The following DHX16 variants were observed in gnomAD, a reference collection of about 807,000 sequenced individuals.
DHX16 encodes DEAH-box helicase 16.
Under a neutral mutation model 131.2 loss-of-function variants are expected in DHX16, and 81 were observed. The observed-to-expected ratio is 0.62, with a 90% CI of 0.52 to 0.74. DHX16 has a LOEUF of 0.74. Ranked by LOEUF, DHX16 falls within the 30% of genes least tolerant of loss-of-function variation. DHX16 has a pLI of 0.00. For missense variants in DHX16, 980 were observed against 1,363.1 expected (o/e 0.72, Z 4.43); for synonymous variants, 440 against 520.2 (o/e 0.85, Z 2.10).
rs754361200 is a variant in DHX16 at position 30,670,515 on chromosome 6, C to T, written c.610-49G>A. On this transcript the variant is annotated intron_variant, in intron 3 of 19. Coordinates refer to ENST00000376442, the MANE Select transcript of DHX16 (RefSeq NM_003587.5). This position sits in a 1 kb window ranked among gnomAD's most constrained non-coding sequence, Gnocchi z 4.4. ...GGGGTGTGAGGCCAAAGAGCCCCCA[C>T]ACTGACAGCTGCTCCCCTCTAGAAT... 4.5e-6 allele frequency: 7 copies of T among 1,570,006 alleles called. No homozygotes were observed. The highest frequency in any genetic ancestry group is 2.3e-5 in the East Asian group (1 of 44,266).
intron 4 of DHX16, among the ~76,000 whole-genome samples, chr6:30,669,744 TAAAAAAAAA>T (rs953317689): frequency 5.3e-5 from 6 of 113,822 alleles, no homozygotes; most frequent in South Asian, 2.9e-4. Context: ...AAAAAAGGTT[TAAAAAAAAA>T]AAAAAAAAAA....
Position 30,670,992 on chromosome 6 carries a change from C to T in DHX16, c.447-40G>A, listed in dbSNP as rs1416958934. 1.9e-6 allele frequency: 3 copies of T among 1,612,890 alleles called. No homozygotes were observed. Among genetic ancestry groups the T allele is most frequent in the African/African-American group, 1.3e-5 (1 of 74,922 alleles). On this transcript the variant is annotated intron_variant, in intron 2 of 19. Transcript: ENST00000376442. This position sits in a 1 kb window ranked among gnomAD's most constrained non-coding sequence, Gnocchi z 4.4. ...GGGGATTAAATAAGGGCATAGAGAACACTTCAGCCTGCCCCATCCTCTCTC... is the reference window on the plus strand; with the variant it reads ...GGGGATTAAATAAGGGCATAGAGAATACTTCAGCCTGCCCCATCCTCTCTC...
At position 30,672,978 on chromosome 6, in the gene DHX16, G is replaced by A. The variant is rs1209974212; in HGVS notation, c.-137C>T. The A allele has an allele frequency of 1.9e-5, 30 of 1,551,562 alleles. No individual in the cohort carries two copies. The highest frequency in any genetic ancestry group is 2.4e-5 in the Non-Finnish European group (28 of 1,147,088). Reference sequence around the variant, plus strand: ...TACCTTGGGACCTCTAGGATCTTCCGACATCCCAAAGCTGTCTTCCCGTAC... The same window carrying A: ...TACCTTGGGACCTCTAGGATCTTCCAACATCCCAAAGCTGTCTTCCCGTAC... On this transcript the variant is annotated 5_prime_UTR_variant, in exon 1 of 20. Coordinates refer to ENST00000376442, the MANE Select transcript of DHX16 (RefSeq NM_003587.5).
rs746926990 is a variant in DHX16, at chr6:30,665,058, G to A, written c.1125+13C>T. On this transcript the variant is annotated intron_variant, in intron 6 of 19. Transcript: ENST00000376442. This position sits in a 1 kb window ranked among gnomAD's most constrained non-coding sequence, Gnocchi z 4.8. The stretch of plus-strand genomic sequence containing the variant: ...CGGGTCTTCCTCAGAAAGTCTCCCA[G>A]CTCCCCTCTTACCTCATCACCCTGG... The A allele has an allele frequency of 6.2e-7, 1 of 1,613,974 alleles. No homozygotes were observed. Among genetic ancestry groups the A allele is most frequent in the Non-Finnish European group, 8.5e-7 (1 of 1,179,944 alleles).
At chr6:30,660,300 A>G in intron 9 of DHX16, 58 bp from the exon 10 acceptor site, 1 of 1,367,998 alleles carries the variant, frequency 7.3e-7, no homozygotes, top group Non-Finnish European at 9.9e-7. Context: ...AGTATCAGAC[A>G]CCAGAGTTAA....
At position 30,664,749 on chromosome 6, in the gene DHX16, G is replaced by A. The variant is rs117585071; in HGVS notation, c.1317+52C>T. ...ATGTAAAAGGAGCTCTGACAGGAAT[G>A]AGGACATTGATGCCAGGTGCCCTGG... On this transcript the variant is annotated intron_variant, in intron 7 of 19. Coordinates refer to ENST00000376442, the MANE Select transcript of DHX16 (RefSeq NM_003587.5). The A allele has an allele frequency of 1.9e-5, 28 of 1,500,234 alleles. No homozygotes were observed. In the East Asian group the frequency reaches 5.9e-4, roughly 32 times the overall value. 92.9% of individuals were successfully genotyped at this position (1,500,234 alleles called of 1,614,324 possible).
Position 30,656,815 on chromosome 6 carries a change from C to T in DHX16, c.2149-56G>A. On this transcript the variant is annotated intron_variant, in intron 13 of 19. Transcript: ENST00000376442. The surrounding 1 kb of genome is among the most constrained non-coding windows in gnomAD (Gnocchi z 5.1). ...AATTTGGTCAGGGAAAAGAAAAAGG[C>T]AGTATTTATGCAAGAAATCTGGAAG... 6.2e-7 allele frequency: 1 copy of T among 1,606,832 alleles called. No individual in the cohort carries two copies. The highest frequency in any genetic ancestry group is 8.5e-7 in the Non-Finnish European group (1 of 1,178,058).
rs550031080 is a variant in DHX16 at position 30,656,061 on chromosome 6, A to G, written c.2498+137T>C. 56 of 862,294 alleles carry G rather than the reference A, an allele frequency of 6.5e-5. No homozygotes were observed. The highest frequency in any genetic ancestry group is 2.5e-4 in the East Asian group (10 of 40,814). 53.4% of individuals were successfully genotyped at this position (862,294 alleles called of 1,614,324 possible). ...CCCTTGTGGGCCTCAAAAGGGGGCAATCAGAGTTATCTAATACTTTATTAT... is the reference window on the plus strand; with the variant it reads ...CCCTTGTGGGCCTCAAAAGGGGGCAGTCAGAGTTATCTAATACTTTATTAT... On this transcript the variant is annotated intron_variant, in intron 16 of 19. Coordinates refer to ENST00000376442, the MANE Select transcript of DHX16 (RefSeq NM_003587.5). This position sits in a 1 kb window ranked among gnomAD's most constrained non-coding sequence, Gnocchi z 5.1.
At chr6:30,659,681 C>T in intron 11 of DHX16, 55 bp downstream of exon 11, 1 of 1,612,488 alleles carries the variant, frequency 6.2e-7, no homozygotes. Flanking sequence ...GGCCAACATG[C>T]CGGCCCTGTC....
Position 30,656,618 on chromosome 6 carries a change from C to T in DHX16, c.2290G>A (p.Val764Met), listed in dbSNP as rs372472529. ...EIQRTSLGNVVLLLKSLGIHD... is the reference protein window; with the variant it reads ...EIQRTSLGNVMLLLKSLGIHD... ...TCACCTAAGCTCTTGAGCAGCAACA[C>T]GACATTGCCCAAGCTGGTCCTCTGG... Residue 764 changes from valine (V) to methionine (M), a missense_variant, in exon 14 of 20, where the codon GTG (valine) becomes ATG (methionine). Transcript: ENST00000376442. The surrounding 1 kb of genome is among the most constrained non-coding windows in gnomAD (Gnocchi z 5.1). The T allele has an allele frequency of 6.8e-6, 11 of 1,614,190 alleles. No homozygotes were observed. Among genetic ancestry groups the T allele is most frequent in the South Asian group, 5.5e-5 (5 of 91,086 alleles).
intron 4 of DHX16, among the ~76,000 whole-genome samples, chr6:30,668,742 C>G (rs1309678026): frequency 6.6e-6 from 1 of 152,120 alleles, no homozygotes; most frequent in African/African-American, 2.4e-5. Flanking sequence ...TAACCACAGT[C>G]AATTTCAGGA....
chr6:30,658,613 A>C (rs1296384037), intron 12 of DHX16, among the ~76,000 whole-genome samples: 1 of 150,838 alleles, frequency 6.6e-6, no homozygotes, highest in Non-Finnish European at 1.5e-5. Context: ...TGGGAAGCTG[A>C]GGCACAAGAA....
intron 4 of DHX16, among the ~76,000 whole-genome samples, chr6:30,666,534 G>A (rs1459161911): frequency 6.6e-6 from 1 of 152,058 alleles, no homozygotes; most frequent in Non-Finnish European, 1.5e-5. Context: ...CTGGGTGGGC[G>A]TGGTGACTCA....
In DHX16 at chr6:30,670,890, T is replaced by A; in HGVS notation, c.509A>T (p.Glu170Val). ...ACGCTCCTCCAGGTCCTGAAGGCGTTCACGCTCTGTCCGTTCCCACTCATC... is the reference window on the plus strand; with the variant it reads ...ACGCTCCTCCAGGTCCTGAAGGCGTACACGCTCTGTCCGTTCCCACTCATC... The part of the protein sequence containing the change: ...SEDEWERTER[E>V]RLQDLEERDA... Residue 170 changes from glutamate to valine, a missense_variant, in exon 3 of 20, where the codon GAA (glutamate) becomes GTA (valine). By Grantham distance (121) the Glu-to-Val change is moderately radical (BLOSUM62 -2). Coordinates refer to ENST00000376442, the MANE Select transcript of DHX16 (RefSeq NM_003587.5). The surrounding 1 kb of genome is among the most constrained non-coding windows in gnomAD (Gnocchi z 4.4). 6.2e-7 allele frequency: 1 copy of A among 1,613,072 alleles called. No homozygotes were observed. Among genetic ancestry groups the A allele is most frequent in the Non-Finnish European group, 8.5e-7 (1 of 1,180,022 alleles).
Position 30,670,459 on chromosome 6 carries a change from T to G in DHX16, c.617A>C (p.Glu206Ala), listed in dbSNP as rs776349217. Residue 206 changes from glutamate to alanine, a missense_variant, in exon 4 of 20, where the codon GAA (glutamate) becomes GCA (alanine). Physicochemically the swap from Glu to Ala is moderately radical, Grantham distance 107. This residue lies in a region of DHX16 where 457 missense variants were observed against 554.8 expected (regional missense o/e 0.82). Transcript: ENST00000376442. This position sits in a 1 kb window ranked among gnomAD's most constrained non-coding sequence, Gnocchi z 4.4. ...CATCTTGAGGCGCTTCTGAGCCTCT[T>G]CATAAGCCTAGAAGAAAAAACAAGA... Reference protein sequence around the residue: ...VLERSDKKAYEEAQKRLKMAE... With the variant: ...VLERSDKKAYAEAQKRLKMAE... The G allele has an allele frequency of 7.4e-5, 120 of 1,611,106 alleles. No individual in the cohort carries two copies. Among genetic ancestry groups the G allele is most frequent in the Non-Finnish European group, 9.6e-5 (113 of 1,179,048 alleles).
intron 9 of DHX16, chr6:30,660,510 A>C: frequency 2.6e-6 from 1 of 387,258 alleles, no homozygotes; most frequent in Non-Finnish European, 4.6e-6. Flanking sequence ...AGGCCAGGAC[A>C]AGTTAGCCAT....
At position 30,653,199 on chromosome 6, in the gene DHX16, G is replaced by T. The variant is rs1127955; in HGVS notation, c.*43C>A. On this transcript the variant is annotated 3_prime_UTR_variant, in exon 20 of 20. Coordinates refer to ENST00000376442, the MANE Select transcript of DHX16 (RefSeq NM_003587.5). ...TTTAATAGGTATTAAATAATGTATA[G>T]AAGGAAAAGGAGCTGGTGTCAGGTT... The T allele has an allele frequency of 6.3e-6, 10 of 1,589,014 alleles. No individual in the cohort carries two copies. The African/African-American group carries it at 1.2e-4, about 20-fold the overall frequency.
Position 30,654,724 on chromosome 6 carries a change from G to C in DHX16, c.2979C>G (p.Thr993=), listed in dbSNP as rs1767798620. 1 of 1,612,636 alleles carries C rather than the reference G, an allele frequency of 6.2e-7. No homozygotes were observed. Among genetic ancestry groups the C allele is most frequent in the Non-Finnish European group, 8.5e-7 (1 of 1,179,782 alleles). ...WLLYHELVLT[T]KEFMRQVLEI... Reference sequence around the variant, plus strand: ...TCCTCACCTGTCTCATGAACTCTTTGGTGGTCAAGACAAGTTCGTGGTAGA... The same window carrying C: ...TCCTCACCTGTCTCATGAACTCTTTCGTGGTCAAGACAAGTTCGTGGTAGA... Residue 993 remains threonine (T), a synonymous_variant, in exon 19 of 20, where the codon ACC becomes ACG. Transcript: ENST00000376442.
chr6:30,663,896 G>A (rs184028656), intron 7 of DHX16, among the ~76,000 whole-genome samples: 1 of 148,880 alleles, frequency 6.7e-6, no homozygotes, highest in Admixed American at 6.7e-5. Context: ...GTGGTGGTAC[G>A]CACCTGTAGT....
Sources: allele counts gnomAD v4.1 joint callset (sites outside exome capture counted in the v4.1 genomes callset), GRCh38; gene constraint gnomAD v4.1.1; regional missense constraint gnomAD v4.1.1; non-coding constraint Gnocchi (gnomAD v3.1); transcripts MANE v1.5; gene names NCBI Gene and HGNC (gene_info 2026-07-23, HGNC 2026-07-21).